Variants in CORO1C observed in about 807,000 individuals in gnomAD.
The protein encoded by CORO1C is coronin-1C.
Under a neutral mutation model 51.2 loss-of-function variants are expected in CORO1C, and 14 were observed. That is an observed-to-expected ratio of 0.27 (90% CI 0.18 to 0.43). The LOEUF (loss-of-function observed/expected upper bound fraction) is 0.43, where lower values mean the gene tolerates loss of function less well. Ranked by LOEUF, CORO1C falls within the 20% of genes least tolerant of loss-of-function variation. The pLI, the probability that CORO1C is intolerant of heterozygous loss-of-function variation, is 1.00. For missense variants in CORO1C, 417 were observed against 607.8 expected, an observed-to-expected ratio of 0.69 and a Z score of 3.30; for synonymous variants, 181 against 210.5, an observed-to-expected ratio of 0.86 and a Z score of 1.21.
intron 1 of CORO1C, among the ~76,000 whole-genome samples, chr12:108,719,749 T>C (rs2035430596): frequency 1.3e-5 from 2 of 152,218 alleles, no homozygotes; most frequent in Admixed American, 1.3e-4. Flanking sequence ...AAGAGAAAGA[T>C]AGTGAAGGAA....
intron 1 of CORO1C, chr12:108,703,069 A>G: frequency 1.0e-6 from 1 of 970,918 alleles, no homozygotes. Context: ...GGTGGTGAAA[A>G]GCAAAAGGAA....
chr12:108,666,536 C>G (rs1282712092), intron 3 of CORO1C, among the ~76,000 whole-genome samples: 1 of 152,140 alleles, frequency 6.6e-6, no homozygotes, highest in Non-Finnish European at 1.5e-5. Flanking sequence ...TCTCTGCCCT[C>G]TTCAGGGTTG....
intron 5 of CORO1C, 76 bp from the exon 6 acceptor site, chr12:108,657,499 C>G (rs1014542897): frequency 2.1e-6 from 3 of 1,459,658 alleles, no homozygotes; most frequent in African/African-American, 2.8e-5. Context: ...GGGCACAGAT[C>G]CAACCTCACC....
rs2033134554 is a variant in CORO1C at position 108,658,819 on chromosome 12, G to C, written c.549C>G (p.Asn183Lys). ...HSDMIYNVSWNRNGSLICTAS... is the reference protein window; with the variant it reads ...HSDMIYNVSWKRNGSLICTAS... ...CTGTGCAGATCAGACTGCCATTCCG[G>C]TTCCAGCTCACATTGTAAATCATGT... The change falls in exon 5 of 11, where the codon AAC becomes AAG. Residue 183 changes from asparagine to lysine, a missense_variant. Coordinates refer to ENST00000261401, the MANE Select transcript of CORO1C (RefSeq NM_014325.4). The surrounding 1 kb of genome is among the most constrained non-coding windows in gnomAD (Gnocchi z 4.9). 1 of 1,613,820 alleles carries C rather than the reference G, an allele frequency of 6.2e-7. No homozygotes were observed. The highest frequency in any genetic ancestry group is 8.5e-7 in the Non-Finnish European group (1 of 1,179,720).
chr12:108,716,003 C>T (rs543936628), intron 1 of CORO1C, among the ~76,000 whole-genome samples: 48 of 151,598 alleles, frequency 3.2e-4, no homozygotes, highest in African/African-American at 1.1e-3. Flanking sequence ...TGGTGGCACG[C>T]GCCTGTAATC....
intron 1 of CORO1C, among the ~76,000 whole-genome samples, chr12:108,705,459 C>CAAA (rs1163703701): frequency 0.28 from 17,803 of 63,016 alleles, 3,016 homozygotes; most frequent in Non-Finnish European, 0.36. Flanking sequence ...GACCCTGTCT[C>CAAA]AAAAAAAAAA....
chr12:108,664,226 T>G (rs144473799), intron 3 of CORO1C, among the ~76,000 whole-genome samples: 1 of 152,346 alleles, frequency 6.6e-6, no homozygotes, highest in African/African-American at 2.4e-5. Context: ...TAAGAACTTG[T>G]CAATGAAAAA....
chr12:108,730,541 T>C (rs1342393169), intron 1 of CORO1C: 1 of 152,364 alleles, frequency 6.6e-6, no homozygotes, highest in African/African-American at 2.4e-5. Context: ...CCTCAGTCAT[T>C]TCGGCGCAGC....
chr12:108,649,014 G>C lies in CORO1C; in HGVS notation c.1008C>G (p.Phe336Leu), dbSNP rs371483646. 2.5e-6 allele frequency: 4 copies of C among 1,614,084 alleles called. 1 individual carries two copies. In the African/African-American group the frequency reaches 4.0e-5, roughly 16 times the overall value. ...DVNKCEIARF[F>L]KLHERKCEPI... The stretch of plus-strand genomic sequence containing the variant: ...GTTCACACTTTCTCTCATGAAGTTT[G>C]AAGAATCTTCAGAGGGGAAATAAAG... Residue 336 changes from phenylalanine (F) to leucine (L), a missense_variant, in exon 9 of 11, where the codon TTC becomes TTG. Physicochemically the swap from Phe to Leu is conservative, Grantham distance 22. Transcript: ENST00000261401.
chr12:108,724,454 A>C (rs775598603), intron 1 of CORO1C, among the ~76,000 whole-genome samples: 8 of 152,194 alleles, frequency 5.3e-5, no homozygotes, highest in Non-Finnish European at 8.8e-5. Context: ...CCTGCCACCA[A>C]AGTCTCCTCA....
rs1029122303 is a variant in CORO1C, at chr12:108,645,524, A to G, written c.*1879T>C. The G allele has an allele frequency of 3.3e-5, 5 of 151,698 alleles. No homozygotes were observed. Among genetic ancestry groups the G allele is most frequent in the African/African-American group, 7.3e-5 (3 of 40,928 alleles). 9.4% of individuals were successfully genotyped at this position (151,698 alleles called of 1,614,324 possible). ...TAAAGAAACAAATACAGATTTGAATATAAGTCATTGCCATTATTGTTTTCT... is the reference window on the plus strand; with the variant it reads ...TAAAGAAACAAATACAGATTTGAATGTAAGTCATTGCCATTATTGTTTTCT... On this transcript the variant is annotated 3_prime_UTR_variant, in exon 11 of 11. Transcript: ENST00000261401.
chr12:108,692,963 A>C (rs142425853), intron 2 of CORO1C, among the ~76,000 whole-genome samples: 2 of 152,044 alleles, frequency 1.3e-5, no homozygotes, highest in African/African-American at 4.8e-5. Flanking sequence ...ATGCCCAGCT[A>C]ATTTTTGTAT....
intron 2 of CORO1C, among the ~76,000 whole-genome samples, chr12:108,689,799 C>T (rs1242935460): frequency 1.3e-5 from 2 of 152,154 alleles, no homozygotes; most frequent in Non-Finnish European, 2.9e-5. Context: ...ACTTTATGTG[C>T]CCAAATTTCA....
intron 6 of CORO1C, 76 bp downstream of exon 6, chr12:108,657,224 CTACT>C: frequency 6.6e-7 from 1 of 1,514,800 alleles, no homozygotes; most frequent in South Asian, 1.3e-5. Flanking sequence ...ATCCCATAAT[CTACT>C]TACTCACTGG....
rs191142548 is a variant in CORO1C, at chr12:108,715,164, T to C, written c.-5-13841A>G. Among the ~76,000 whole-genome samples, 59 of 151,714 alleles carry C rather than the reference T, an allele frequency of 3.9e-4. 1 individual carries two copies. The East Asian group carries it at 0.011, about 29-fold the overall frequency. ...CAGGAAGATCCCTTGAGCCCAGGAG[T>C]CTGAGGCTGCACTGAGCTATTATTG... On this transcript the variant is annotated intron_variant, in intron 1 of 10. Transcript: ENST00000261401.
chr12:108,654,054 C>T (rs186872705), intron 7 of CORO1C, among the ~76,000 whole-genome samples: 1 of 152,280 alleles, frequency 6.6e-6, no homozygotes, highest in East Asian at 1.9e-4. Context: ...GCATTTTCCC[C>T]AATACCCCAG....
rs1185860192 is a variant in CORO1C at position 108,646,956 on chromosome 12, A to C, written c.*447T>G. On this transcript the variant is annotated 3_prime_UTR_variant, in exon 11 of 11. Coordinates refer to ENST00000261401, the MANE Select transcript of CORO1C (RefSeq NM_014325.4). ...CAAATACTGCAAAGTAGCAAAATACAAAGGAAAACAAAGCTACTTTTGGTT... is the reference window on the plus strand; with the variant it reads ...CAAATACTGCAAAGTAGCAAAATACCAAGGAAAACAAAGCTACTTTTGGTT... 1 of 153,894 alleles carries C rather than the reference A, an allele frequency of 6.5e-6. No homozygotes were observed. Among genetic ancestry groups the C allele is most frequent in the Non-Finnish European group, 1.4e-5 (1 of 69,172 alleles). 9.5% of individuals were successfully genotyped at this position (153,894 alleles called of 1,614,324 possible).
rs370397321 is a variant in CORO1C at position 108,726,858 on chromosome 12, C to T, written c.-6+4571G>A. On this transcript the variant is annotated intron_variant, in intron 1 of 10. Transcript: ENST00000261401. ...CTGTGCGCCAGTCATTACTGTTCATCGGGGGAAAGAACCTGGACGAGAATG... is the reference window on the plus strand; with the variant it reads ...CTGTGCGCCAGTCATTACTGTTCATTGGGGGAAAGAACCTGGACGAGAATG... Among the ~76,000 whole-genome samples, 11 of 152,160 alleles carry T rather than the reference C, an allele frequency of 7.2e-5. No individual in the cohort carries two copies. In the South Asian group the frequency reaches 1.9e-3, roughly 26 times the overall value.
chr12:108,690,149 C>G (rs1392174336), intron 2 of CORO1C, among the ~76,000 whole-genome samples: 1 of 152,168 alleles, frequency 6.6e-6, no homozygotes, highest in Non-Finnish European at 1.5e-5. Context: ...GACTCAGCAG[C>G]AGACCAAAAA....
Sources: allele counts gnomAD v4.1 joint callset (sites outside exome capture counted in the v4.1 genomes callset), GRCh38; gene constraint gnomAD v4.1.1; non-coding constraint Gnocchi (gnomAD v3.1); transcripts MANE v1.5; gene names NCBI Gene and HGNC (gene_info 2026-07-23, HGNC 2026-07-21).